CRYBG1: variants seen among roughly 807,000 people sequenced by gnomAD.
CRYBG1 encodes crystallin beta-gamma domain containing 1, also known as beta/gamma crystallin domain-containing protein 1.
A neutral mutation model predicts 189.2 loss-of-function variants in CRYBG1; 139 were observed. That is an observed-to-expected ratio of 0.73 (90% CI 0.64 to 0.85). The LOEUF (loss-of-function observed/expected upper bound fraction) is 0.85, where lower values mean the gene tolerates loss of function less well. CRYBG1 is among the 40% of genes least tolerant of loss of function. CRYBG1 has a pLI of 0.00. For synonymous variants in CRYBG1, 1,023 were observed against 1,017.1 expected, an observed-to-expected ratio of 1.01 and a Z score of -0.11; for missense variants, 2,611 against 2,675.8, an observed-to-expected ratio of 0.98 and a Z score of 0.53.
rs73522994 is a variant in CRYBG1 at position 106,557,347 on chromosome 6, C to T, written c.5716-1139C>T. Among the ~76,000 whole-genome samples, 442 of 152,184 alleles carry T rather than the reference C, an allele frequency of 2.9e-3. 3 individuals are homozygous for T. The highest frequency in any genetic ancestry group is 0.01 in the African/African-American group (429 of 41,504). On this transcript the variant is annotated intron_variant, in intron 17 of 21. Coordinates refer to ENST00000633556, the MANE Select transcript of CRYBG1 (RefSeq NM_001371242.2). ...CCACATAAATGAAGCAGTAAGGTAC[C>T]GCACCCTTTCCACAAACTTTAAGCA...
In CRYBG1 at chr6:106,520,043, G is replaced by A. The variant is rs377670130; in HGVS notation, c.2835G>A (p.Val945=). 1.5e-5 allele frequency: 25 copies of A among 1,614,174 alleles called. No individual in the cohort carries two copies. The East Asian group carries it at 2.0e-4, about 13-fold the overall frequency. Reference sequence around the variant, plus strand: ...CCACAGAGCGTAGTCCAGAAGCTGTGGGAAGTGAGTGTCCATCCAGAGTCC... The same window carrying A: ...CCACAGAGCGTAGTCCAGAAGCTGTAGGAAGTGAGTGTCCATCCAGAGTCC... The part of the protein sequence containing the change: ...PLSTERSPEA[V]GSECPSRVLV... The change falls in exon 4 of 22, where the codon GTG becomes GTA. Residue 945 remains valine, a synonymous_variant. Transcript: ENST00000633556.
chr6:106,560,256 T>C (rs1420373772), intron 18 of CRYBG1, among the ~76,000 whole-genome samples: 1 of 152,212 alleles, frequency 6.6e-6, no homozygotes, highest in Non-Finnish European at 1.5e-5. Flanking sequence ...TGATGTAATA[T>C]GCAAGAGAGG....
chr6:106,494,570 T>C (rs1286630322), intron 2 of CRYBG1, among the ~76,000 whole-genome samples: 1 of 152,170 alleles, frequency 6.6e-6, no homozygotes, highest in African/African-American at 2.4e-5. Context: ...AATTAAGAGG[T>C]CTGATAGTAG....
chr6:106,542,185 G>T (rs1476598966), intron 10 of CRYBG1, among the ~76,000 whole-genome samples: 10 of 146,618 alleles, frequency 6.8e-5, no homozygotes, highest in African/African-American at 2.3e-4. Context: ...TTTTAAAACT[G>T]TTTGGAACCA....
In CRYBG1 at chr6:106,513,011, A is replaced by G. The variant is rs1318555570; in HGVS notation, c.1894A>G (p.Arg632Gly). Residue 632 changes from arginine to glycine, a missense_variant, in exon 3 of 22, where the codon AGG becomes GGG. By Grantham distance (125) the Arg-to-Gly change is moderately radical. This residue lies in a region of CRYBG1 where 985 missense variants were observed against 924.4 expected (regional missense o/e 1.07). Coordinates refer to ENST00000633556, the MANE Select transcript of CRYBG1 (RefSeq NM_001371242.2). ...LKPRNHFGVGRSTVTTKVTLP... is the reference protein window; with the variant it reads ...LKPRNHFGVGGSTVTTKVTLP... ...GCCCAGGAACCATTTCGGCGTGGGC[A>G]GGTCGACAGTGACCACTAAAGTGAC... 1 of 1,606,612 alleles carries G rather than the reference A, an allele frequency of 6.2e-7. No individual in the cohort carries two copies. The highest frequency in any genetic ancestry group is 1.1e-5 in the South Asian group (1 of 90,886).
At chr6:106,421,539 G>A (rs957619216) in intron 1 of CRYBG1, among the ~76,000 whole-genome samples, 4 of 152,128 alleles carry the variant, frequency 2.6e-5, no homozygotes. Context: ...CACTAGAGCT[G>A]AGCCTAGAGA....
intron 2 of CRYBG1, among the ~76,000 whole-genome samples, chr6:106,473,639 A>G (rs762609957): frequency 1.2e-4 from 18 of 152,202 alleles, no homozygotes; most frequent in South Asian, 6.2e-4. Context: ...TCTGTGCCCC[A>G]GGGATGTTAA....
At chr6:106,462,633 T>C (rs1381806389) in intron 2 of CRYBG1, among the ~76,000 whole-genome samples, 2 of 152,214 alleles carry the variant, frequency 1.3e-5, no homozygotes, top group South Asian at 4.1e-4. Context: ...AAAAGCCACT[T>C]TCCTTTGGGC....
intron 17 of CRYBG1, 141 bp downstream of exon 17, chr6:106,556,038 A>G: frequency 1.1e-6 from 1 of 951,282 alleles, no homozygotes; most frequent in Non-Finnish European, 1.6e-6. Context: ...GGCTCTGTGT[A>G]CATCTAGTTT....
At chr6:106,362,489 A>G (rs1771899128) in intron 1 of CRYBG1, among the ~76,000 whole-genome samples, 1 of 152,188 alleles carries the variant, frequency 6.6e-6, no homozygotes, top group Admixed American at 6.5e-5. Flanking sequence ...GGAGGAGGAT[A>G]GGTGAAGTGG....
chr6:106,391,600 T>G (rs1430567576), intron 1 of CRYBG1, among the ~76,000 whole-genome samples: 1 of 152,008 alleles, frequency 6.6e-6, no homozygotes, highest in Non-Finnish European at 1.5e-5. Flanking sequence ...TTTATAGGCA[T>G]TTTGTATATA....
In CRYBG1 at chr6:106,520,757, A is replaced by T. The variant is rs763220526; in HGVS notation, c.3549A>T (p.Thr1183=). 19 of 1,614,158 alleles carry T rather than the reference A, an allele frequency of 1.2e-5. No individual in the cohort carries two copies. Among genetic ancestry groups the T allele is most frequent in the Non-Finnish European group, 1.6e-5 (19 of 1,180,020 alleles). Residue 1183 remains threonine (T), a synonymous_variant, in exon 4 of 22, where the codon ACA becomes ACT. Coordinates refer to ENST00000633556, the MANE Select transcript of CRYBG1 (RefSeq NM_001371242.2). ...TACATTTGATGCAGAACCTTGACAC[A>T]AAATCCAAACTGAGACCCAAACGTG... ...PALHLMQNLD[T]KSKLRPKRAS... is the part of the protein sequence containing the mutation.
chr6:106,505,329 C>T (rs1773107839), intron 2 of CRYBG1, among the ~76,000 whole-genome samples: 2 of 152,094 alleles, frequency 1.3e-5, no homozygotes, highest in African/African-American at 2.4e-5. Flanking sequence ...CTCTTGACCT[C>T]AGGATCTGCC....
Position 106,517,504 on chromosome 6 carries a change from A to G in CRYBG1, c.1923-1627A>G, listed in dbSNP as rs564650812. ...TATATACACACACACACACATATATATATATACACACACACATATATATAA... is the reference window on the plus strand; with the variant it reads ...TATATACACACACACACACATATATGTATATACACACACACATATATATAA... On this transcript the variant is annotated intron_variant, in intron 3 of 21. Transcript: ENST00000633556. Among the ~76,000 whole-genome samples, 223 of 151,300 alleles carry G rather than the reference A, an allele frequency of 1.5e-3. 1 individual carries two copies. The highest frequency in any genetic ancestry group is 5.3e-3 in the African/African-American group (216 of 40,930).
intron 13 of CRYBG1, among the ~76,000 whole-genome samples, chr6:106,550,789 A>G (rs1257359685): frequency 6.6e-6 from 1 of 152,154 alleles, no homozygotes; most frequent in Non-Finnish European, 1.5e-5. Flanking sequence ...GAAAGGACTT[A>G]TTGATTGCTT....
intron 1 of CRYBG1, among the ~76,000 whole-genome samples, chr6:106,374,633 T>C (rs964292190): frequency 4.6e-5 from 7 of 152,242 alleles, no homozygotes; most frequent in African/African-American, 1.7e-4. Context: ...GAAGAATTTA[T>C]AATTCTTGAG....
intron 2 of CRYBG1, among the ~76,000 whole-genome samples, chr6:106,455,437 G>A (rs1394560027): frequency 6.6e-6 from 1 of 150,856 alleles, no homozygotes; most frequent in Non-Finnish European, 1.5e-5. Flanking sequence ...TCCACTATGA[G>A]GAGGTATTTC....
At chr6:106,414,484 A>G (rs1455411288) in intron 1 of CRYBG1, among the ~76,000 whole-genome samples, 2 of 152,236 alleles carry the variant, frequency 1.3e-5, no homozygotes, top group African/African-American at 4.8e-5. Flanking sequence ...AAGGAGGTCA[A>G]TGATGCTAGA....
chr6:106,558,855 T>C (rs1774626869), intron 18 of CRYBG1, among the ~76,000 whole-genome samples: 2 of 151,922 alleles, frequency 1.3e-5, no homozygotes, highest in Admixed American at 1.3e-4. Flanking sequence ...CCCAGCTACG[T>C]AGGAGGCTGA....
Sources: allele counts gnomAD v4.1 joint callset (sites outside exome capture counted in the v4.1 genomes callset), GRCh38; gene constraint gnomAD v4.1.1; regional missense constraint gnomAD v4.1.1; transcripts MANE v1.5; gene names NCBI Gene and HGNC (gene_info 2026-07-23, HGNC 2026-07-21).